The following CHN1 variants were observed in gnomAD, a reference collection of about 807,000 sequenced individuals.
The protein encoded by CHN1 is chimerin 1.
In CHN1, 37 loss-of-function variants were observed where a neutral mutation model predicts 59.5. The ratio of observed to expected loss-of-function variants is 0.62; its 90% CI spans 0.48 to 0.82. CHN1 has a LOEUF of 0.82. CHN1 is among the 40% of genes least tolerant of loss of function. The probability of loss-of-function intolerance (pLI) is 0.00; values close to 1 mark genes in which losing one functional copy is unlikely to be tolerated. For synonymous variants in CHN1, 206 were observed against 200.4 expected, an observed-to-expected ratio of 1.03 and a Z score of -0.24; for missense variants, 469 against 571.0, an observed-to-expected ratio of 0.82 and a Z score of 1.82.
intron 7 of CHN1, among the ~76,000 whole-genome samples, chr2:174,825,586 T>A (rs1685657129): frequency 6.6e-6 from 1 of 152,154 alleles, no homozygotes; most frequent in East Asian, 1.9e-4. Context: ...GACAAAAAAA[T>A]ATTGGTAGAA....
At chr2:174,990,909 G>T (rs13424031) in intron 1 of CHN1, among the ~76,000 whole-genome samples, 65,354 of 151,844 alleles carry the variant, frequency 0.43, 14,482 homozygotes, top group Admixed American at 0.51. Context: ...AAAGACTTAA[G>T]AGGCAAAATC....
chr2:174,931,949 T>C (rs1689361750), intron 3 of CHN1, among the ~76,000 whole-genome samples: 1 of 152,058 alleles, frequency 6.6e-6, no homozygotes, highest in Admixed American at 6.5e-5. Flanking sequence ...AAGGAAGCAG[T>C]AAGAGATGAG....
chr2:174,971,044 C>T (rs764729160), intron 1 of CHN1, among the ~76,000 whole-genome samples: 6 of 152,118 alleles, frequency 3.9e-5, no homozygotes, highest in Non-Finnish European at 7.4e-5. Context: ...TTCGACTGGG[C>T]GTGGTGGCTC....
chr2:174,881,863 G>T (rs991839835), intron 5 of CHN1, among the ~76,000 whole-genome samples: 7 of 152,160 alleles, frequency 4.6e-5, no homozygotes, highest in East Asian at 3.9e-4. Context: ...AAGCAAAGAA[G>T]GTCTTTCCAC....
chr2:174,981,384 T>G (rs1396351281), intron 1 of CHN1, among the ~76,000 whole-genome samples: 1 of 152,172 alleles, frequency 6.6e-6, no homozygotes, highest in Admixed American at 6.5e-5. Context: ...CACAGAACCA[T>G]TATCTTTTGT....
intron 2 of CHN1, 77 bp from the exon 3 acceptor site, chr2:174,945,020 C>A: frequency 1.9e-6 from 2 of 1,079,822 alleles, no homozygotes; most frequent in South Asian, 1.5e-5. Flanking sequence ...AAAAACCTGG[C>A]TGCTTTTTAT....
chr2:174,953,784 A>C (rs1459721853), intron 1 of CHN1, among the ~76,000 whole-genome samples: 1 of 152,240 alleles, frequency 6.6e-6, no homozygotes, highest in Non-Finnish European at 1.5e-5. Flanking sequence ...TACTGAAAGA[A>C]ATCATAGATG....
intron 10 of CHN1, chr2:174,810,899 C>T (rs977531481): frequency 3.9e-5 from 6 of 152,194 alleles, no homozygotes; most frequent in African/African-American, 1.2e-4. Flanking sequence ...TGTTCTAGTC[C>T]TTGAAGCAAA....
intron 5 of CHN1, among the ~76,000 whole-genome samples, chr2:174,902,403 T>C (rs1688414080): frequency 6.6e-6 from 1 of 152,170 alleles, no homozygotes; most frequent in Non-Finnish European, 1.5e-5. Context: ...AAAAGCTTTT[T>C]AGCACTGATA....
intron 1 of CHN1, among the ~76,000 whole-genome samples, chr2:174,963,940 T>C (rs1044692617): frequency 3.9e-5 from 6 of 152,128 alleles, no homozygotes; most frequent in African/African-American, 1.4e-4. Flanking sequence ...CCTCGAGACT[T>C]GATGTAAAAA....
chr2:174,976,397 C>T (rs1387254577), intron 1 of CHN1, among the ~76,000 whole-genome samples: 3 of 151,866 alleles, frequency 2.0e-5, no homozygotes, highest in African/African-American at 4.8e-5. Context: ...ACCACCATGC[C>T]GGGCTAATTT....
chr2:174,887,683 C>T (rs1032621623), intron 5 of CHN1, among the ~76,000 whole-genome samples: 1 of 152,138 alleles, frequency 6.6e-6, no homozygotes, highest in East Asian at 1.9e-4. Flanking sequence ...TTATCAAAAG[C>T]CCCATAATTA....
rs142445357 is a variant in CHN1, at chr2:174,969,489, C to A, written c.20-17287G>T. On this transcript the variant is annotated intron_variant, in intron 1 of 12. Coordinates refer to ENST00000409900, the MANE Select transcript of CHN1 (RefSeq NM_001822.7). Reference sequence around the variant, plus strand: ...GCCCCCGAGTTCATCTACTTCACTTCCTCTCACTCACTCTTCTCCAGCCTC... The same window carrying A: ...GCCCCCGAGTTCATCTACTTCACTTACTCTCACTCACTCTTCTCCAGCCTC... 6.4e-3 allele frequency among the ~76,000 whole-genome samples: 977 copies of A among 152,272 alleles called. 16 individuals carry two copies. Among genetic ancestry groups the A allele is most frequent in the African/African-American group, 0.022 (928 of 41,544 alleles).
intron 10 of CHN1, chr2:174,811,240 C>T: frequency 3.3e-6 from 1 of 299,098 alleles, no homozygotes; most frequent in Non-Finnish European, 6.2e-6. Context: ...AATGTAATTG[C>T]TCTGTATGTA....
chr2:174,824,363 A>G (rs561820263), intron 8 of CHN1, 71 bp downstream of exon 8: 2 of 1,187,458 alleles, frequency 1.7e-6, no homozygotes, highest in East Asian at 2.6e-5. Context: ...GCATAACAAC[A>G]AGTCTCCTTC....
intron 1 of CHN1, among the ~76,000 whole-genome samples, chr2:174,966,073 T>C (rs1690580096): frequency 6.6e-6 from 1 of 152,162 alleles, no homozygotes; most frequent in South Asian, 2.1e-4. Flanking sequence ...ACATCCTGAC[T>C]AAACTTCTTT....
intron 1 of CHN1, among the ~76,000 whole-genome samples, chr2:174,960,242 A>G (rs1255116564): frequency 1.3e-5 from 2 of 152,232 alleles, no homozygotes; most frequent in South Asian, 2.1e-4. Flanking sequence ...AGGATGTTAG[A>G]AAAATATTAA....
At chr2:174,933,284 T>C (rs780646899) in intron 3 of CHN1, among the ~76,000 whole-genome samples, 1 of 151,742 alleles carries the variant, frequency 6.6e-6, no homozygotes, top group African/African-American at 2.4e-5. Flanking sequence ...ATAAAGTAAA[T>C]ATAGGTAGAG....
intron 6 of CHN1, among the ~76,000 whole-genome samples, chr2:174,873,020 CTT>C (rs11453791): frequency 6.8e-6 from 1 of 147,686 alleles, no homozygotes; most frequent in Non-Finnish European, 1.5e-5. Context: ...CTAATATATA[CTT>C]TTTTTTTTTT....
Sources: allele counts gnomAD v4.1 joint callset (sites outside exome capture counted in the v4.1 genomes callset), GRCh38; gene constraint gnomAD v4.1.1; transcripts MANE v1.5; gene names NCBI Gene and HGNC (gene_info 2026-07-23, HGNC 2026-07-21).